Variants in GRIN2A observed in about 807,000 individuals in gnomAD.
The protein encoded by GRIN2A is glutamate ionotropic receptor NMDA type subunit 2A.
A neutral mutation model predicts 113.4 loss-of-function variants in GRIN2A; 22 were observed. That is an observed-to-expected ratio of 0.19 (90% CI 0.14 to 0.28). The LOEUF (loss-of-function observed/expected upper bound fraction) is 0.28. GRIN2A is among the 10% of genes least tolerant of loss of function. The pLI, the probability that GRIN2A is intolerant of heterozygous loss-of-function variation, is 1.00. For synonymous variants in GRIN2A, 827 were observed against 738.4 expected, an observed-to-expected ratio of 1.12 and a Z score of -1.94; for missense variants, 1,502 against 1,887.0, an observed-to-expected ratio of 0.80 and a Z score of 3.78.
intron 2 of GRIN2A, among the ~76,000 whole-genome samples, chr16:10,054,203 C>T (rs891257040): frequency 5.9e-5 from 9 of 152,116 alleles, no homozygotes; most frequent in Non-Finnish European, 1.2e-4. Context: ...ATAAGCTGAT[C>T]TTCAGAGGAA....
At chr16:10,178,833 G>C (rs2050202693) in intron 2 of GRIN2A, among the ~76,000 whole-genome samples, 1 of 152,150 alleles carries the variant, frequency 6.6e-6, no homozygotes. Context: ...GTGAATGTCT[G>C]CTCACTCCAC....
intron 4 of GRIN2A, among the ~76,000 whole-genome samples, chr16:9,878,430 A>G (rs2141447058): frequency 6.6e-6 from 1 of 152,300 alleles, no homozygotes; most frequent in Admixed American, 6.5e-5. Context: ...TTATCCTAAC[A>G]ACCTAGGAGG....
At chr16:9,938,616 T>C in intron 2 of GRIN2A, 65 bp from the exon 3 acceptor site, 1 of 1,133,546 alleles carries the variant, frequency 8.8e-7, no homozygotes, top group Non-Finnish European at 1.3e-6. Flanking sequence ...AAGCACAAAC[T>C]GCGTCCTAGA....
chr16:9,993,945 C>A (rs2046174825), intron 2 of GRIN2A, among the ~76,000 whole-genome samples: 2 of 152,164 alleles, frequency 1.3e-5, no homozygotes, highest in South Asian at 4.1e-4. Context: ...TTCTGTTGCA[C>A]CATCATGTCT....
At chr16:10,098,735 C>T (rs1449469405) in intron 2 of GRIN2A, among the ~76,000 whole-genome samples, 1 of 152,088 alleles carries the variant, frequency 6.6e-6, no homozygotes, top group African/African-American at 2.4e-5. Context: ...TATGTTCTCA[C>T]TTGTAAGTGA....
At chr16:10,054,150 A>G (rs1197002937) in intron 2 of GRIN2A, among the ~76,000 whole-genome samples, 2 of 152,198 alleles carry the variant, frequency 1.3e-5, no homozygotes, top group African/African-American at 4.8e-5. Flanking sequence ...TAAAGCAGAA[A>G]CCAAAAGTAA....
At chr16:10,042,699 C>T (rs2047186385) in intron 2 of GRIN2A, among the ~76,000 whole-genome samples, 2 of 152,194 alleles carry the variant, frequency 1.3e-5, no homozygotes, top group African/African-American at 4.8e-5. Context: ...CTGATGCTGA[C>T]CCAATCCCGG....
intron 2 of GRIN2A, among the ~76,000 whole-genome samples, chr16:10,155,244 T>A (rs1170364268): frequency 6.6e-6 from 1 of 152,176 alleles, no homozygotes; most frequent in Non-Finnish European, 1.5e-5. Flanking sequence ...AGCCAGGAGT[T>A]TACATTTTAT....
chr16:9,853,046 G>C (rs1048810134), intron 4 of GRIN2A, among the ~76,000 whole-genome samples: 3 of 152,178 alleles, frequency 2.0e-5, no homozygotes, highest in Non-Finnish European at 4.4e-5. Flanking sequence ...GGGTCTAAGA[G>C]AGCATATAGG....
At chr16:9,834,696 T>C (rs2042558246) in intron 7 of GRIN2A, among the ~76,000 whole-genome samples, 1 of 152,242 alleles carries the variant, frequency 6.6e-6, no homozygotes, top group African/African-American at 2.4e-5. Context: ...AGACATTTTT[T>C]ATTCATCATT....
At chr16:9,915,757 A>G (rs2044236852) in intron 3 of GRIN2A, among the ~76,000 whole-genome samples, 1 of 152,194 alleles carries the variant, frequency 6.6e-6, no homozygotes, top group Admixed American at 6.5e-5. Flanking sequence ...GCAACTTGCT[A>G]CTTATATAAA....
intron 4 of GRIN2A, among the ~76,000 whole-genome samples, chr16:9,862,239 G>A (rs1596510600): frequency 6.6e-6 from 1 of 152,206 alleles, no homozygotes; most frequent in East Asian, 1.9e-4. Flanking sequence ...AGTTTAATCA[G>A]CTATTAGAGC....
chr16:9,760,738 G>C lies in GRIN2A; in HGVS notation c.*2411C>G. Reference sequence around the variant, plus strand: ...AGAGGACACCAGAGGAAGACAGAAAGCCTCTTTGGCTTGACGACAAATCAC... The same window carrying C: ...AGAGGACACCAGAGGAAGACAGAAACCCTCTTTGGCTTGACGACAAATCAC... On this transcript the variant is annotated 3_prime_UTR_variant, in exon 13 of 13. Coordinates refer to ENST00000330684, the MANE Select transcript of GRIN2A (RefSeq NM_001134407.3). The C allele has an allele frequency of 4.4e-6, 1 of 228,892 alleles. No individual in the cohort carries two copies. Among genetic ancestry groups the C allele is most frequent in the Non-Finnish European group, 8.7e-6 (1 of 115,290 alleles). The allele number at this position is 228,892 out of a possible 1,614,324, so 14.2% of individuals were successfully genotyped here.
At chr16:10,087,390 T>G (rs1368328698) in intron 2 of GRIN2A, among the ~76,000 whole-genome samples, 1 of 152,170 alleles carries the variant, frequency 6.6e-6, no homozygotes, top group Non-Finnish European at 1.5e-5. Flanking sequence ...CAGTGCCACT[T>G]CCAGGAGAAT....
chr16:10,101,084 C>T (rs2048385576), intron 2 of GRIN2A, among the ~76,000 whole-genome samples: 1 of 152,226 alleles, frequency 6.6e-6, no homozygotes, highest in Non-Finnish European at 1.5e-5. Context: ...AGTGACAGGG[C>T]ATGAGGGGGA....
At chr16:10,100,556 T>C (rs2048374302) in intron 2 of GRIN2A, among the ~76,000 whole-genome samples, 1 of 152,212 alleles carries the variant, frequency 6.6e-6, no homozygotes, top group African/African-American at 2.4e-5. Flanking sequence ...AGAAAGCACC[T>C]GGCACATCCT....
chr16:9,876,046 T>A (rs1013612504), intron 4 of GRIN2A, among the ~76,000 whole-genome samples: 5 of 152,286 alleles, frequency 3.3e-5, no homozygotes, highest in South Asian at 4.1e-4. Context: ...GCCCAGGCTC[T>A]AAACCCCCTC....
At chr16:10,164,432 G>A (rs1418325836) in intron 2 of GRIN2A, among the ~76,000 whole-genome samples, 1 of 152,178 alleles carries the variant, frequency 6.6e-6, no homozygotes, top group Non-Finnish European at 1.5e-5. Flanking sequence ...ACAAACAAGG[G>A]CTTCCCATCC....
At chr16:9,789,587 C>CACAA (rs1011427698) in intron 11 of GRIN2A, among the ~76,000 whole-genome samples, 3 of 128,018 alleles carry the variant, frequency 2.3e-5, no homozygotes, top group African/African-American at 9.4e-5. Flanking sequence ...CACACACACA[C>CACAA]ACAAACACAT....
Sources: gnomAD v4.1 joint callset for allele counts (sites outside exome capture counted in the v4.1 genomes callset) on GRCh38, gnomAD v4.1.1 for gene constraint, MANE v1.5 for transcripts, NCBI Gene and HGNC (gene_info 2026-07-23, HGNC 2026-07-21) for gene names.